The following NHSL2 variants were observed in gnomAD, a reference collection of about 807,000 sequenced individuals.
NHSL2 encodes the protein NHS-like protein 2.
A neutral mutation model predicts 53.4 loss-of-function variants in NHSL2; 27 were observed. The observed-to-expected ratio is 0.51, with a 90% CI of 0.37 to 0.70. The LOEUF is 0.70. NHSL2 is among the 30% of genes least tolerant of loss of function. The probability of loss-of-function intolerance (pLI) is 0.00; values close to 1 mark genes in which losing one functional copy is unlikely to be tolerated. For synonymous variants in NHSL2, 408 were observed against 404.1 expected, an observed-to-expected ratio of 1.01 and a Z score of -0.12; for missense variants, 892 against 980.1, an observed-to-expected ratio of 0.91 and a Z score of 1.20.
At chrX:72,074,472 C>T (rs779430351) in intron 1 of NHSL2, among the ~76,000 whole-genome samples, 2 of 112,257 alleles carry the variant, frequency 1.8e-5, no homozygotes, top group African/African-American at 3.2e-5. Flanking sequence ...GGCCACCGAA[C>T]AAAATATTTC....
In NHSL2 at chrX:72,134,278, C is replaced by T; in HGVS notation, c.564+60C>T. On this transcript the variant is annotated intron_variant, in intron 3 of 7. Coordinates refer to ENST00000633930, the MANE Select transcript of NHSL2 (RefSeq NM_001013627.3). ...CATGCACCCACTGACAAGAGACCTC[C>T]AGCTGCTTACTTTACCCACTGGAAG... is the stretch of plus-strand genomic sequence containing the variant. 4.6e-6 allele frequency: 5 copies of T among 1,097,166 alleles called. No homozygotes were observed. The South Asian group carries it at 8.4e-5, about 19-fold the overall frequency. 90.4% of individuals were successfully genotyped at this position (1,097,166 alleles called of 1,213,427 possible). A position where few individuals can be genotyped will look rare whatever the true frequency, so the allele number is the denominator to read the frequency against.
At chrX:72,063,611 T>C (rs1026827576) in intron 1 of NHSL2, among the ~76,000 whole-genome samples, 2 of 111,827 alleles carry the variant, frequency 1.8e-5, no homozygotes, top group Non-Finnish European at 3.8e-5. Context: ...ATTATTTTTC[T>C]TTAAACCAAC....
chrX:71,972,941 A>G (rs749726785), intron 1 of NHSL2, among the ~76,000 whole-genome samples: 2 of 108,140 alleles, frequency 1.8e-5, no homozygotes, highest in African/African-American at 3.4e-5. Context: ...GAAGTTTACA[A>G]TTTTGCTCCA....
intron 1 of NHSL2, among the ~76,000 whole-genome samples, chrX:72,021,461 C>A (rs2042160057): frequency 1.8e-5 from 2 of 111,869 alleles, no homozygotes; most frequent in Admixed American, 9.4e-5. Flanking sequence ...AGCTTCTCCT[C>A]AGGGCCCAGG....
At chrX:72,023,768 G>A (rs1432478930) in intron 1 of NHSL2, among the ~76,000 whole-genome samples, 1 of 111,985 alleles carries the variant, frequency 8.9e-6, no homozygotes, top group African/African-American at 3.3e-5. Context: ...AGGAAGAGAA[G>A]CATGGATTAG....
At chrX:72,044,572 C>A in intron 1 of NHSL2, 2 of 965,334 alleles carry the variant, frequency 2.1e-6, no homozygotes, top group Non-Finnish European at 2.9e-6. Context: ...GAACAACAGT[C>A]ATGCCAAAAA....
intron 1 of NHSL2, among the ~76,000 whole-genome samples, chrX:72,099,347 C>G (rs753443949): frequency 1.1e-3 from 122 of 109,280 alleles, no homozygotes; most frequent in African/African-American, 3.9e-3. Context: ...GCACCAGTAT[C>G]CCCTTGTGTA....
At position 72,138,742 on chromosome X, in the gene NHSL2, C is replaced by G. The variant is rs144936693; in HGVS notation, c.1194C>G (p.Thr398=). The change falls in exon 6 of 8, where the codon ACC becomes ACG. Residue 398 remains threonine (T), a synonymous_variant. Transcript: ENST00000633930. ...FSTSWKGDAF[T]YMTPSATSQS... ...CTTCCTGGAAGGGAGATGCTTTTAC[C>G]TACATGACTCCAAGTGCCACCAGCC... The G allele has an allele frequency of 1.3e-5, 16 of 1,207,615 alleles. No individual in the cohort carries two copies. The highest frequency in any genetic ancestry group is 1.7e-5 in the Non-Finnish European group (15 of 893,428).
At chrX:71,970,970 C>T (rs2041922684) in intron 1 of NHSL2, among the ~76,000 whole-genome samples, 1 of 110,761 alleles carries the variant, frequency 9.0e-6, no homozygotes, top group African/African-American at 3.3e-5. Flanking sequence ...TTTTGTAGAG[C>T]CACGGTCTTG....
At chrX:71,929,829 G>A (rs1395470957) in intron 1 of NHSL2, among the ~76,000 whole-genome samples, 7 of 109,496 alleles carry the variant, frequency 6.4e-5, no homozygotes, top group Admixed American at 9.7e-5. Context: ...ATTATGGCTC[G>A]CTGCAGCCTC....
At chrX:72,131,944 C>A in intron 1 of NHSL2, 135 bp from the exon 2 acceptor site, 1 of 587,612 alleles carries the variant, frequency 1.7e-6, no homozygotes, top group Non-Finnish European at 2.7e-6. Context: ...CGATTCCCCG[C>A]CTTTTAAGCG....
At chrX:72,089,156 C>A (rs1282688242) in intron 1 of NHSL2, among the ~76,000 whole-genome samples, 1 of 110,698 alleles carries the variant, frequency 9.0e-6, no homozygotes, top group Non-Finnish European at 1.9e-5. Context: ...GAACAAGAAG[C>A]CTCCCTACCC....
intron 1 of NHSL2, among the ~76,000 whole-genome samples, chrX:72,006,592 G>A (rs1459257202): frequency 8.9e-6 from 1 of 112,497 alleles, no homozygotes; most frequent in Non-Finnish European, 1.9e-5. Flanking sequence ...TCGCTCTGTT[G>A]CCCAGGCTGG....
chrX:71,920,191 C>T (rs1206070446), intron 1 of NHSL2, among the ~76,000 whole-genome samples: 11 of 111,982 alleles, frequency 9.8e-5, no homozygotes, highest in Non-Finnish European at 1.9e-5. Flanking sequence ...GATGCCCTGG[C>T]CACCAGGCAA....
intron 1 of NHSL2, among the ~76,000 whole-genome samples, chrX:72,067,428 G>C (rs745423198): frequency 2.2e-4 from 24 of 111,382 alleles, no homozygotes; most frequent in African/African-American, 7.5e-4. Flanking sequence ...ATGCATTCTA[G>C]AATCATCTCA....
intron 1 of NHSL2, among the ~76,000 whole-genome samples, chrX:71,953,767 A>G (rs1357408726): frequency 5.4e-5 from 6 of 111,733 alleles, no homozygotes; most frequent in African/African-American, 2.0e-4. Context: ...GAGCACAGAT[A>G]AAGGGGCCAT....
chrX:71,987,238 T>C (rs763969010), intron 1 of NHSL2, among the ~76,000 whole-genome samples: 1 of 112,034 alleles, frequency 8.9e-6, no homozygotes, highest in East Asian at 2.8e-4. Flanking sequence ...AAAAACTGTT[T>C]CTTTAGTAGT....
At chrX:71,939,809 A>G (rs569769912) in intron 1 of NHSL2, among the ~76,000 whole-genome samples, 2 of 112,253 alleles carry the variant, frequency 1.8e-5, no homozygotes, top group African/African-American at 6.5e-5. Context: ...AATGTTCGAT[A>G]AATGTTAGCT....
chrX:71,964,793 C>T (rs2041894151), intron 1 of NHSL2, among the ~76,000 whole-genome samples: 1 of 112,473 alleles, frequency 8.9e-6, no homozygotes, highest in South Asian at 3.7e-4. Flanking sequence ...GAGAACATCT[C>T]CAAACTCTTA....
Sources: gnomAD v4.1 joint callset for allele counts (sites outside exome capture counted in the v4.1 genomes callset) on GRCh38, gnomAD v4.1.1 for gene constraint, MANE v1.5 for transcripts, NCBI Gene and HGNC (gene_info 2026-07-23, HGNC 2026-07-21) for gene names.